Variants in CDH10 observed in about 807,000 individuals in gnomAD.
The protein encoded by CDH10 is cadherin-10.
CDH10 carries 30 observed loss-of-function variants against 73.1 expected under a neutral mutation model. That is an observed-to-expected ratio of 0.41 (90% confidence interval 0.31 to 0.56). The LOEUF (loss-of-function observed/expected upper bound fraction) is 0.56, where lower values mean the gene tolerates loss of function less well. CDH10 is among the 20% of genes least tolerant of loss of function. The pLI, the probability that CDH10 is intolerant of heterozygous loss-of-function variation, is 0.27. For missense variants in CDH10, 815 were observed against 973.7 expected (o/e 0.84, Z 2.17); for synonymous variants, 345 against 348.2 (o/e 0.99, Z 0.10).
intron 2 of CDH10, among the ~76,000 whole-genome samples, chr5:24,544,566 C>T (rs544647023): frequency 5.3e-5 from 8 of 152,228 alleles, no homozygotes; most frequent in African/African-American, 1.2e-4. Flanking sequence ...AGAGGGAAAA[C>T]GTCAATAGGA....
At chr5:24,613,907 A>T (rs1219143738) in intron 1 of CDH10, among the ~76,000 whole-genome samples, 1 of 152,148 alleles carries the variant, frequency 6.6e-6, no homozygotes. Context: ...ATGTTGAATG[A>T]AGCATTCATT....
rs545048548 is a variant in CDH10 at position 24,562,301 on chromosome 5, G to A, written c.232-24627C>T. The stretch of plus-strand genomic sequence containing the variant: ...ATTTAAACAGACTTAAATATGTCAA[G>A]AAGTATTATCTCCCCCTCCTGTACT... On this transcript the variant is annotated intron_variant, in intron 2 of 11. Coordinates refer to ENST00000264463, the MANE Select transcript of CDH10 (RefSeq NM_006727.5). Among the ~76,000 whole-genome samples, 3 of 152,060 alleles carry A rather than the reference G, an allele frequency of 2.0e-5. No individual in the cohort carries two copies. In the South Asian group the frequency reaches 6.2e-4, roughly 32 times the overall value.
intron 2 of CDH10, among the ~76,000 whole-genome samples, chr5:24,556,398 C>A (rs372868274): frequency 5.9e-5 from 9 of 152,030 alleles, no homozygotes; most frequent in East Asian, 5.8e-4. Context: ...TCTCTAATTG[C>A]TTTAAGAATA....
At chr5:24,492,012 A>C (rs1228850218) in intron 10 of CDH10, among the ~76,000 whole-genome samples, 185 bp from the exon 11 acceptor site, 1 of 152,196 alleles carries the variant, frequency 6.6e-6, no homozygotes, top group East Asian at 1.9e-4. Context: ...TTTGAGAAAT[A>C]TACTATAAAT....
At chr5:24,627,506 G>A (rs940520363) in intron 1 of CDH10, among the ~76,000 whole-genome samples, 4 of 152,044 alleles carry the variant, frequency 2.6e-5, no homozygotes, top group East Asian at 1.9e-4. Context: ...ATGCAATAGC[G>A]GTTACGAATG....
At chr5:24,584,046 C>A (rs961238148) in intron 2 of CDH10, among the ~76,000 whole-genome samples, 1 of 152,078 alleles carries the variant, frequency 6.6e-6, no homozygotes, top group Non-Finnish European at 1.5e-5. Context: ...TTGATTCTTA[C>A]CACTAGAAAA....
intron 10 of CDH10, among the ~76,000 whole-genome samples, chr5:24,492,421 T>C (rs1010100388): frequency 1.3e-5 from 2 of 152,212 alleles, no homozygotes; most frequent in African/African-American, 4.8e-5. Flanking sequence ...CTTCTCATTC[T>C]TTTCATTTCC....
Position 24,492,915 on chromosome 5 carries a change from G to A in CDH10, c.1526C>T (p.Thr509Ile). 6.8e-7 allele frequency: 1 copy of A among 1,463,922 alleles called. No individual in the cohort carries two copies. The highest frequency in any genetic ancestry group is 9.6e-7 in the Non-Finnish European group (1 of 1,043,786). 90.7% of individuals were successfully genotyped at this position (1,463,922 alleles called of 1,614,324 possible). The change falls in exon 10 of 12, where the codon ACT becomes ATT. Residue 509 changes from threonine (T) to isoleucine (I), a missense_variant. By Grantham distance (89) the Thr-to-Ile change is moderately conservative (BLOSUM62 -1). Around this residue, in one of 3 missense-constraint regions of CDH10, gnomAD observed 516 missense variants for 636.6 expected, o/e 0.81. Coordinates refer to ENST00000264463, the MANE Select transcript of CDH10 (RefSeq NM_006727.5). Reference sequence around the variant, plus strand: ...GTCATCTTTGTCTACTGCACTTATAGTCTGTATTAGCTGCAGAAAAAGAAA... The same window carrying A: ...GTCATCTTTGTCTACTGCACTTATAATCTGTATTAGCTGCAGAAAAAGAAA... Reference protein sequence around the residue: ...ENARPGQLIQTISAVDKDDPL... With the variant: ...ENARPGQLIQIISAVDKDDPL...
chr5:24,531,816 T>A (rs1459509968), intron 5 of CDH10, among the ~76,000 whole-genome samples: 1 of 152,086 alleles, frequency 6.6e-6, no homozygotes, highest in African/African-American at 2.4e-5. Flanking sequence ...TCAATAAATA[T>A]TTTTATATCA....
chr5:24,616,808 C>T (rs1226265763), intron 1 of CDH10, among the ~76,000 whole-genome samples: 2 of 152,148 alleles, frequency 1.3e-5, no homozygotes, highest in Non-Finnish European at 2.9e-5. Context: ...TAAGTTCACT[C>T]TGTGGCATGA....
intron 1 of CDH10, among the ~76,000 whole-genome samples, chr5:24,602,536 A>C (rs1197576987): frequency 2.0e-5 from 3 of 152,174 alleles, no homozygotes; most frequent in Non-Finnish European, 4.4e-5. Context: ...GGTGATACTT[A>C]CTACGTGATG....
At chr5:24,584,676 G>A (rs954721462) in intron 2 of CDH10, among the ~76,000 whole-genome samples, 4 of 150,416 alleles carry the variant, frequency 2.7e-5, no homozygotes, top group Non-Finnish European at 4.4e-5. Flanking sequence ...TCACCATGTT[G>A]GCCAGGCTGG....
chr5:24,537,171 T>C (rs1274031086), intron 3 of CDH10, among the ~76,000 whole-genome samples: 3 of 151,972 alleles, frequency 2.0e-5, no homozygotes, highest in East Asian at 3.9e-4. Flanking sequence ...TCTACCTATA[T>C]GTATTATAAA....
chr5:24,514,794 TC>T (rs1743049221), intron 5 of CDH10, among the ~76,000 whole-genome samples: 1 of 152,172 alleles, frequency 6.6e-6, no homozygotes, highest in Non-Finnish European at 1.5e-5. Context: ...AATATTTTTT[TC>T]AATTAATGAG....
At position 24,604,660 on chromosome 5, in the gene CDH10, G is replaced by A. The variant is rs188828266; in HGVS notation, c.-123-11047C>T. 4.6e-3 allele frequency among the ~76,000 whole-genome samples: 696 copies of A among 152,138 alleles called. 3 individuals are homozygous for A. The highest frequency in any genetic ancestry group is 9.1e-3 in the South Asian group (44 of 4,824). ...GGCTGAGGCCGGCAGATCACCTGAA[G>A]TCAGGAGTTCAAGACCAGCCTAACC... On this transcript the variant is annotated intron_variant, in intron 1 of 11. Transcript: ENST00000264463.
intron 8 of CDH10, among the ~76,000 whole-genome samples, chr5:24,502,086 A>T (rs200623611): frequency 6.6e-6 from 1 of 151,238 alleles, no homozygotes; most frequent in Non-Finnish European, 1.5e-5. Context: ...CGTCCGGCTC[A>T]TTTTTTTGTA....
chr5:24,584,965 C>G (rs545036951), intron 2 of CDH10, among the ~76,000 whole-genome samples: 3 of 149,670 alleles, frequency 2.0e-5, no homozygotes, highest in Non-Finnish European at 3.0e-5. Context: ...TTTCACCTCA[C>G]CCTTTCTGGT....
chr5:24,494,587 C>T (rs1429676673), intron 9 of CDH10, among the ~76,000 whole-genome samples: 1 of 151,880 alleles, frequency 6.6e-6, no homozygotes, highest in African/African-American at 2.4e-5. Context: ...ACATTTCCAA[C>T]TGTATATTTT....
chr5:24,598,631 C>T (rs1270102729), intron 1 of CDH10, among the ~76,000 whole-genome samples: 1 of 151,230 alleles, frequency 6.6e-6, no homozygotes, highest in African/African-American at 2.4e-5. Flanking sequence ...AAAAGGCAAT[C>T]AATATATCAC....
Sources: allele counts gnomAD v4.1 joint callset (sites outside exome capture counted in the v4.1 genomes callset), GRCh38; gene constraint gnomAD v4.1.1; regional missense constraint gnomAD v4.1.1; transcripts MANE v1.5; gene names NCBI Gene and HGNC (gene_info 2026-07-23, HGNC 2026-07-21).